Variants in BTBD9 observed in about 807,000 individuals in gnomAD.
BTBD9 encodes the protein BTB/POZ domain-containing protein 9.
BTBD9 carries 49 observed loss-of-function variants against 64.3 expected under a neutral mutation model. That is an observed-to-expected ratio of 0.76 (90% confidence interval 0.61 to 0.97). The LOEUF is 0.97. Among genes scored for constraint, BTBD9 ranks in the 50% least tolerant of loss-of-function variants. The pLI is 0.00. For synonymous variants in BTBD9, 260 were observed against 274.7 expected (o/e 0.95, Z 0.53); for missense variants, 598 against 762.1 (o/e 0.78, Z 2.53).
At chr6:38,563,389 G>A (rs1043420976) in intron 6 of BTBD9, among the ~76,000 whole-genome samples, 2 of 152,040 alleles carry the variant, frequency 1.3e-5, no homozygotes, top group African/African-American at 2.4e-5. Context: ...CCACTGCCAC[G>A]ATCCTTACAC....
At chr6:38,292,013 G>A (rs188035800) in intron 7 of BTBD9, among the ~76,000 whole-genome samples, 75 of 151,396 alleles carry the variant, frequency 5.0e-4, no homozygotes, top group African/African-American at 1.7e-3. Flanking sequence ...CCAGGCCGGA[G>A]TGCAGTAGCG....
intron 6 of BTBD9, among the ~76,000 whole-genome samples, chr6:38,566,759 T>C (rs185913197): frequency 7.7e-4 from 118 of 152,328 alleles, no homozygotes; most frequent in African/African-American, 2.6e-3. Context: ...ACACTTCAAG[T>C]GTGATTTTAA....
chr6:38,260,192 T>A (rs570829898), intron 8 of BTBD9, among the ~76,000 whole-genome samples: 1 of 152,230 alleles, frequency 6.6e-6, no homozygotes, highest in Non-Finnish European at 1.5e-5. Flanking sequence ...TCATGGCATA[T>A]GTTCCATATA....
chr6:38,557,274 G>A (rs1399869261), intron 6 of BTBD9, among the ~76,000 whole-genome samples: 1 of 152,180 alleles, frequency 6.6e-6, no homozygotes, highest in East Asian at 1.9e-4. Flanking sequence ...TCACCCCGGA[G>A]GCAGAGGCTG....
intron 9 of BTBD9, among the ~76,000 whole-genome samples, chr6:38,215,123 T>C (rs943973468): frequency 9.2e-5 from 14 of 152,170 alleles, no homozygotes; most frequent in African/African-American, 3.4e-4. Flanking sequence ...TCTGATTCTA[T>C]TGTCAGGCTT....
rs760565795 is a variant in BTBD9 at position 38,205,205 on chromosome 6, G to T, written c.1563-12608C>A. 3.3e-5 allele frequency among the ~76,000 whole-genome samples: 5 copies of T among 152,094 alleles called. No individual in the cohort carries two copies. In the South Asian group the frequency reaches 8.3e-4, roughly 25 times the overall value. ...ACAACAAATTTTCCCACATATGAAG[G>T]ACATAAGATTCCAGGTTAAAGATCC... On this transcript the variant is annotated intron_variant, in intron 9 of 10. Transcript: ENST00000481247.
At chr6:38,376,412 A>G (rs1229914112) in intron 6 of BTBD9, among the ~76,000 whole-genome samples, 2 of 152,206 alleles carry the variant, frequency 1.3e-5, no homozygotes, top group African/African-American at 4.8e-5. Context: ...TAAAATTAAA[A>G]GAAGGAAAAT....
chr6:38,204,509 C>G (rs1239851868), intron 9 of BTBD9, among the ~76,000 whole-genome samples: 1 of 151,960 alleles, frequency 6.6e-6, no homozygotes, highest in African/African-American at 2.4e-5. Flanking sequence ...AATATACAGA[C>G]AGAAAGTAGA....
chr6:38,259,219 G>A (rs933826211), intron 8 of BTBD9, among the ~76,000 whole-genome samples: 1 of 152,098 alleles, frequency 6.6e-6, no homozygotes, highest in African/African-American at 2.4e-5. Context: ...TACATATCTG[G>A]TTCACAATTT....
chr6:38,533,334 T>G (rs1248849130), intron 6 of BTBD9, among the ~76,000 whole-genome samples: 1 of 152,016 alleles, frequency 6.6e-6, no homozygotes, highest in Non-Finnish European at 1.5e-5. Context: ...CTATATACAA[T>G]AAAGGGGTCA....
At chr6:38,302,483 A>ATG (rs1223095175) in intron 7 of BTBD9, among the ~76,000 whole-genome samples, 43 of 78,538 alleles carry the variant, frequency 5.5e-4, no homozygotes, top group South Asian at 1.0e-3. Context: ...CATTGTGTGT[A>ATG]TGTATATATA....
intron 8 of BTBD9, among the ~76,000 whole-genome samples, chr6:38,263,450 T>C (rs1227637640): frequency 2.6e-5 from 4 of 152,318 alleles, no homozygotes; most frequent in South Asian, 2.1e-4. Flanking sequence ...AACCTCAAGG[T>C]GGACATGGGA....
At chr6:38,462,077 G>A (rs1053744930) in intron 6 of BTBD9, among the ~76,000 whole-genome samples, 8 of 152,094 alleles carry the variant, frequency 5.3e-5, no homozygotes, top group Admixed American at 3.3e-4. Context: ...TTAGATATAC[G>A]ATTGCAAATA....
At chr6:38,175,441 C>A (rs1761192360) in intron 10 of BTBD9, among the ~76,000 whole-genome samples, 2 of 152,368 alleles carry the variant, frequency 1.3e-5, no homozygotes, top group South Asian at 4.1e-4. Flanking sequence ...CGGATTCCCA[C>A]AAAATCTTCA....
At chr6:38,435,208 A>G (rs1034498271) in intron 6 of BTBD9, among the ~76,000 whole-genome samples, 2 of 140,522 alleles carry the variant, frequency 1.4e-5, no homozygotes, top group Admixed American at 7.1e-5. Context: ...GGTGGGGGGG[A>G]AGTTAATTGC....
At chr6:38,488,894 CTTT>C (rs66933448) in intron 6 of BTBD9, among the ~76,000 whole-genome samples, 14 of 132,796 alleles carry the variant, frequency 1.1e-4, no homozygotes, top group Non-Finnish European at 1.5e-4. Context: ...TTCCTTGCAA[CTTT>C]TTTTTTTTTT....
chr6:38,372,730 C>T (rs149003095), intron 6 of BTBD9, among the ~76,000 whole-genome samples: 17 of 152,280 alleles, frequency 1.1e-4, no homozygotes, highest in South Asian at 2.1e-4. Flanking sequence ...TCCATTCAGA[C>T]GACATAAGCC....
intron 6 of BTBD9, among the ~76,000 whole-genome samples, chr6:38,391,122 T>C (rs1766392810): frequency 6.6e-6 from 1 of 152,228 alleles, no homozygotes; most frequent in East Asian, 1.9e-4. Flanking sequence ...ATTTACTGAA[T>C]ATCTAAGTGG....
chr6:38,530,271 T>C (rs190935977), intron 6 of BTBD9, among the ~76,000 whole-genome samples: 135 of 152,292 alleles, frequency 8.9e-4, no homozygotes, highest in African/African-American at 2.8e-3. Flanking sequence ...CCGCTGAACA[T>C]AGACCCTTAT....
Sources: gnomAD v4.1 joint callset for allele counts (sites outside exome capture counted in the v4.1 genomes callset) on GRCh38, gnomAD v4.1.1 for gene constraint, MANE v1.5 for transcripts, NCBI Gene and HGNC (gene_info 2026-07-23, HGNC 2026-07-21) for gene names.